Variants in LRRTM4 observed in about 807,000 individuals in gnomAD.
LRRTM4 encodes leucine-rich repeat transmembrane neuronal protein 4.
A neutral mutation model predicts 47.6 loss-of-function variants in LRRTM4; 25 were observed. The ratio of observed to expected loss-of-function variants is 0.53; its 90% CI spans 0.38 to 0.73. The LOEUF is 0.73. Among genes scored for constraint, LRRTM4 ranks in the 30% least tolerant of loss-of-function variants. The pLI is 0.00. For synonymous variants in LRRTM4, 311 were observed against 269.5 expected, an observed-to-expected ratio of 1.15 and a Z score of -1.51; for missense variants, 638 against 713.4, an observed-to-expected ratio of 0.89 and a Z score of 1.20.
At chr2:77,421,268 A>C (rs1220999274) in intron 3 of LRRTM4, among the ~76,000 whole-genome samples, 1 of 152,212 alleles carries the variant, frequency 6.6e-6, no homozygotes, top group Non-Finnish European at 1.5e-5. Flanking sequence ...AGAATCAAAC[A>C]TATATCCTGC....
At chr2:77,158,041 G>T (rs899465104) in intron 3 of LRRTM4, among the ~76,000 whole-genome samples, 1 of 152,128 alleles carries the variant, frequency 6.6e-6, no homozygotes, top group African/African-American at 2.4e-5. Context: ...CTAGGAATGT[G>T]TTCTTGGTGA....
At chr2:77,054,375 C>A (rs977265145) in intron 3 of LRRTM4, among the ~76,000 whole-genome samples, 9 of 152,112 alleles carry the variant, frequency 5.9e-5, no homozygotes, top group Non-Finnish European at 1.2e-4. Context: ...AACTGTTTTC[C>A]AGCAGCAGCC....
intron 3 of LRRTM4, among the ~76,000 whole-genome samples, chr2:77,455,161 C>G (rs1676475753): frequency 6.6e-6 from 1 of 152,262 alleles, no homozygotes; most frequent in South Asian, 2.1e-4. Flanking sequence ...GCACTCTAGC[C>G]TGGATGACAG....
Position 76,979,541 on chromosome 2 carries a change from G to GTATATATATATATATATATATATATA in LRRTM4, c.1552-230626_1552-230625insTATATATATATATATATATATATATA, listed in dbSNP as rs70939837. Among the ~76,000 whole-genome samples, 1,035 of 126,782 alleles carry GTATATATATATATATATATATATATA rather than the reference G, an allele frequency of 8.2e-3. 43 individuals are homozygous for GTATATATATATATATATATATATATA. Among genetic ancestry groups the GTATATATATATATATATATATATATA allele is most frequent in the African/African-American group, 0.029 (846 of 29,118 alleles). The allele number at this position is 126,782 out of a possible 152,430, so 83.2% of individuals were successfully genotyped here. A position where few individuals can be genotyped will look rare whatever the true frequency, so the allele number is the denominator to read the frequency against. ...ATTCAGACTGCAAAACTGAATTTCT[G>GTATATATATATATATATATATATATA]TATATATATATGCTCTTCCTCTATA... On this transcript the variant is annotated intron_variant, in intron 3 of 3. Coordinates refer to ENST00000409884, the MANE Select transcript of LRRTM4 (RefSeq NM_001134745.3).
chr2:76,887,227 G>A (rs1214957451), intron 3 of LRRTM4, among the ~76,000 whole-genome samples: 2 of 151,634 alleles, frequency 1.3e-5, no homozygotes, highest in African/African-American at 2.4e-5. Context: ...AACAGCAAAA[G>A]TTATATAGTA....
intron 3 of LRRTM4, among the ~76,000 whole-genome samples, chr2:77,014,423 A>G (rs950735244): frequency 6.6e-6 from 1 of 151,712 alleles, no homozygotes; most frequent in Non-Finnish European, 1.5e-5. Context: ...AATATAAATC[A>G]TCTCGTCCCT....
chr2:77,119,432 A>C (rs2103952302), intron 3 of LRRTM4, among the ~76,000 whole-genome samples: 1 of 151,982 alleles, frequency 6.6e-6, no homozygotes, highest in Non-Finnish European at 1.5e-5. Context: ...TTGGGTGTTA[A>C]GAATCTTTAC....
intron 3 of LRRTM4, among the ~76,000 whole-genome samples, chr2:77,392,868 T>G (rs1363834568): frequency 6.6e-6 from 1 of 152,042 alleles, no homozygotes. Context: ...ATAGTAGATT[T>G]TAAGTGTTCT....
At chr2:76,897,487 T>A (rs1335434969) in intron 3 of LRRTM4, among the ~76,000 whole-genome samples, 1 of 152,138 alleles carries the variant, frequency 6.6e-6, no homozygotes, top group Non-Finnish European at 1.5e-5. Context: ...TATAAGTGTA[T>A]AATGTTATGA....
intron 3 of LRRTM4, among the ~76,000 whole-genome samples, chr2:76,928,056 T>C (rs1052092864): frequency 8.5e-5 from 13 of 152,290 alleles, no homozygotes; most frequent in African/African-American, 2.9e-4. Context: ...AGGCAGAGAA[T>C]GTGCCCTTCC....
intron 3 of LRRTM4, among the ~76,000 whole-genome samples, chr2:77,082,262 G>A (rs868117723): frequency 6.6e-6 from 1 of 151,922 alleles, no homozygotes; most frequent in African/African-American, 2.4e-5. Flanking sequence ...GCTTTTCCCA[G>A]TTGCTTGTAT....
intron 3 of LRRTM4, among the ~76,000 whole-genome samples, chr2:76,854,707 CTACT>C (rs1227871089): frequency 6.6e-6 from 1 of 152,008 alleles, no homozygotes; most frequent in African/African-American, 2.4e-5. Context: ...TTAGATGTCG[CTACT>C]TACTTATTTT....
Position 77,313,187 on chromosome 2 carries a change from A to G in LRRTM4, c.1551+205131T>C, listed in dbSNP as rs1267789528. 5.6e-5 allele frequency among the ~76,000 whole-genome samples: 7 copies of G among 124,088 alleles called. No homozygotes were observed. In the South Asian group the frequency reaches 1.8e-3, roughly 33 times the overall value. 81.4% of individuals were successfully genotyped at this position (124,088 alleles called of 152,430 possible). ...TGACGTGCCTCCCTATTTTTTCCTG[A>G]GACCTGTTGTGGTGATGTGCCTCCC... On this transcript the variant is annotated intron_variant, in intron 3 of 3. Coordinates refer to ENST00000409884, the MANE Select transcript of LRRTM4 (RefSeq NM_001134745.3).
At chr2:77,340,092 T>C (rs1359207385) in intron 3 of LRRTM4, among the ~76,000 whole-genome samples, 2 of 151,982 alleles carry the variant, frequency 1.3e-5, no homozygotes, top group Admixed American at 6.6e-5. Context: ...TAACATATTT[T>C]CAATGCAGTT....
chr2:76,977,320 A>G (rs1412083227), intron 3 of LRRTM4, among the ~76,000 whole-genome samples: 2 of 151,588 alleles, frequency 1.3e-5, no homozygotes, highest in Admixed American at 6.6e-5. Flanking sequence ...TTTTGGGTAT[A>G]ATATGTGATT....
chr2:77,008,938 G>GAAAAAAAAAA (rs1346602340), intron 3 of LRRTM4: 1 of 81,882 alleles, frequency 1.2e-5, no homozygotes, highest in Non-Finnish European at 2.3e-5. Flanking sequence ...GAGCCAACAA[G>GAAAAAAAAAA]AAAAAAAAGA....
At chr2:77,037,793 G>A (rs914806909) in intron 3 of LRRTM4, among the ~76,000 whole-genome samples, 17 of 151,700 alleles carry the variant, frequency 1.1e-4, no homozygotes, top group Non-Finnish European at 3.0e-5. Flanking sequence ...ATCTTTGCAT[G>A]CAAATGATAA....
chr2:76,945,448 G>T (rs1465574767), intron 3 of LRRTM4, among the ~76,000 whole-genome samples: 1 of 152,008 alleles, frequency 6.6e-6, no homozygotes, highest in African/African-American at 2.4e-5. Context: ...TGAAAATGAA[G>T]AGTGAACTAT....
intron 3 of LRRTM4, among the ~76,000 whole-genome samples, chr2:77,200,952 G>C (rs994141860): frequency 6.6e-5 from 10 of 152,082 alleles, no homozygotes; most frequent in African/African-American, 2.4e-4. Context: ...AAAATCATTT[G>C]TGTGCCTAGA....
Sources: gnomAD v4.1 joint callset for allele counts (sites outside exome capture counted in the v4.1 genomes callset) on GRCh38, gnomAD v4.1.1 for gene constraint, MANE v1.5 for transcripts, NCBI Gene and HGNC (gene_info 2026-07-23, HGNC 2026-07-21) for gene names.